ANKRD55: variants seen among roughly 807,000 people sequenced by gnomAD.
ANKRD55 encodes the protein ankyrin repeat domain-containing protein 55.
ANKRD55 carries 41 observed loss-of-function variants against 60.6 expected under a neutral mutation model. The ratio of observed to expected loss-of-function variants is 0.68; its 90% CI spans 0.53 to 0.88. ANKRD55 has a LOEUF of 0.88. Among genes scored for constraint, ANKRD55 ranks in the 40% least tolerant of loss-of-function variants. The pLI is 0.00. For missense variants in ANKRD55, 732 were observed against 767.6 expected (o/e 0.95, Z 0.55); for synonymous variants, 264 against 290.3 (o/e 0.91, Z 0.92).
chr5:56,126,055 A>G (rs892937752), intron 8 of ANKRD55, among the ~76,000 whole-genome samples: 2 of 152,114 alleles, frequency 1.3e-5, no homozygotes, highest in Admixed American at 6.5e-5. Context: ...AATCGCTTGG[A>G]CCTGGGAGGT....
intron 8 of ANKRD55, among the ~76,000 whole-genome samples, chr5:56,124,403 C>G (rs1447105822): frequency 6.6e-6 from 1 of 152,072 alleles, no homozygotes; most frequent in Non-Finnish European, 1.5e-5. Context: ...ATAGGAAAAA[C>G]TTTCACTAAA....
intron 5 of ANKRD55, chr5:56,161,990 G>A (rs1412651258): frequency 2.0e-6 from 2 of 985,254 alleles, no homozygotes; most frequent in East Asian, 2.3e-4. Context: ...CCTTGTGACT[G>A]TGCTTCTCCT....
At chr5:56,144,405 G>T (rs1320370747) in intron 6 of ANKRD55, among the ~76,000 whole-genome samples, 1 of 152,212 alleles carries the variant, frequency 6.6e-6, no homozygotes, top group African/African-American at 2.4e-5. Context: ...TGTGACTGGA[G>T]TGCAATCCCC....
chr5:56,127,153 C>A, intron 7 of ANKRD55, 47 bp from the exon 8 acceptor site: 1 of 1,464,258 alleles, frequency 6.8e-7, no homozygotes, highest in South Asian at 1.6e-5. Context: ...ATCCAGTGTT[C>A]TTCTCTGTCT....
At chr5:56,130,830 T>C (rs1757388545) in intron 7 of ANKRD55, among the ~76,000 whole-genome samples, 1 of 152,050 alleles carries the variant, frequency 6.6e-6, no homozygotes, top group Admixed American at 6.6e-5. Flanking sequence ...AAAAACACTG[T>C]AATGGAAATG....
intron 7 of ANKRD55, among the ~76,000 whole-genome samples, chr5:56,131,364 G>C (rs1011543609): frequency 6.6e-6 from 1 of 152,136 alleles, no homozygotes; most frequent in Non-Finnish European, 1.5e-5. Context: ...TTAAAGAGTT[G>C]AGAAAAGCCT....
At chr5:56,120,027 C>A (rs1217817048) in intron 8 of ANKRD55, among the ~76,000 whole-genome samples, 1 of 149,550 alleles carries the variant, frequency 6.7e-6, no homozygotes, top group African/African-American at 2.4e-5. Flanking sequence ...ACATAGCCAA[C>A]TTTTCTCAAC....
intron 5 of ANKRD55, among the ~76,000 whole-genome samples, chr5:56,163,908 A>G (rs1758388685): frequency 1.3e-5 from 2 of 152,258 alleles, no homozygotes; most frequent in Admixed American, 1.3e-4. Context: ...CCTGGCTAAC[A>G]TGGTGAAACC....
chr5:56,141,134 T>TTTG (rs1561266959), intron 7 of ANKRD55, among the ~76,000 whole-genome samples: 1 of 145,254 alleles, frequency 6.9e-6, no homozygotes, highest in Non-Finnish European at 1.5e-5. Flanking sequence ...CACACAGTTT[T>TTTG]TTTTTTTTTT....
At position 56,153,589 on chromosome 5, in the gene ANKRD55, C is replaced by T. The variant is rs539433115; in HGVS notation, c.483+6244G>A. On this transcript the variant is annotated intron_variant, in intron 6 of 11. Transcript: ENST00000341048. ...GTGCCGTGGCTCACGCCTGTAATCC[C>T]AGCACTTTGGGAGGCCGAGGCAGGT... is the stretch of plus-strand genomic sequence containing the variant. Among the ~76,000 whole-genome samples, 371 of 152,282 alleles carry T rather than the reference C, an allele frequency of 2.4e-3. 3 individuals carry two copies. The highest frequency in any genetic ancestry group is 2.6e-3 in the Non-Finnish European group (176 of 68,020).
intron 2 of ANKRD55, chr5:56,193,238 C>G: frequency 9.7e-7 from 1 of 1,034,436 alleles, no homozygotes; most frequent in South Asian, 1.6e-5. Context: ...TTAAAACAGA[C>G]AAGTGTCACA....
intron 2 of ANKRD55, among the ~76,000 whole-genome samples, chr5:56,219,109 C>T (rs1417603246): frequency 2.0e-5 from 3 of 151,648 alleles, no homozygotes; most frequent in African/African-American, 7.3e-5. Flanking sequence ...CCTGTCTCCA[C>T]TAAAAATACA....
intron 2 of ANKRD55, among the ~76,000 whole-genome samples, chr5:56,200,738 T>G (rs988280494): frequency 6.6e-6 from 1 of 152,122 alleles, no homozygotes; most frequent in African/African-American, 2.4e-5. Flanking sequence ...AAGGGCCAGG[T>G]CAGTGGAAGG....
chr5:56,228,102 A>G (rs971876485), intron 2 of ANKRD55, among the ~76,000 whole-genome samples: 2 of 152,176 alleles, frequency 1.3e-5, no homozygotes, highest in Admixed American at 6.5e-5. Flanking sequence ...GACATGTTCT[A>G]ACCTCTAATC....
intron 5 of ANKRD55, among the ~76,000 whole-genome samples, chr5:56,170,121 C>A (rs1758574813): frequency 6.6e-6 from 1 of 152,216 alleles, no homozygotes; most frequent in Non-Finnish European, 1.5e-5. Context: ...GATCTCCCTG[C>A]TGCTGACTCC....
At chr5:56,125,071 G>A (rs984134532) in intron 8 of ANKRD55, among the ~76,000 whole-genome samples, 3 of 152,088 alleles carry the variant, frequency 2.0e-5, no homozygotes, top group African/African-American at 7.2e-5. Context: ...TAAGTGGGTG[G>A]TATTGCAAAA....
chr5:56,173,590 A>C (rs1446765316), intron 4 of ANKRD55, among the ~76,000 whole-genome samples: 208 of 131,784 alleles, frequency 1.6e-3, no homozygotes, highest in African/African-American at 3.6e-3. Context: ...CTCTATATAT[A>C]TATATATATA....
At chr5:56,124,764 C>T (rs982831609) in intron 8 of ANKRD55, among the ~76,000 whole-genome samples, 7 of 152,178 alleles carry the variant, frequency 4.6e-5, no homozygotes, top group Non-Finnish European at 1.5e-5. Flanking sequence ...CCTCAGCCTC[C>T]CAAAGTGCTG....
At chr5:56,210,562 A>C (rs993159908) in intron 2 of ANKRD55, among the ~76,000 whole-genome samples, 2 of 72,510 alleles carry the variant, frequency 2.8e-5, no homozygotes, top group African/African-American at 2.2e-4. Flanking sequence ...CTACGTCTCA[A>C]AAAAAAAAAA....
Sources: gnomAD v4.1 joint callset for allele counts (sites outside exome capture counted in the v4.1 genomes callset) on GRCh38, gnomAD v4.1.1 for gene constraint, MANE v1.5 for transcripts, NCBI Gene and HGNC (gene_info 2026-07-23, HGNC 2026-07-21) for gene names.